Variants in PTCRA observed in about 807,000 individuals in gnomAD.
PTCRA encodes pre T-cell antigen receptor alpha.
In PTCRA, 9 loss-of-function variants were observed where a neutral mutation model predicts 13.4. The ratio of observed to expected loss-of-function variants is 0.67; its 90% CI spans 0.41 to 1.18. PTCRA has a LOEUF of 1.18. Among genes scored for constraint, PTCRA ranks in the 50% most tolerant of loss-of-function variants. PTCRA has a pLI of 0.01. For synonymous variants in PTCRA, 153 were observed against 161.9 expected, an observed-to-expected ratio of 0.94 and a Z score of 0.42; for missense variants, 353 against 359.8, an observed-to-expected ratio of 0.98 and a Z score of 0.15.
intron 1 of PTCRA, 83 bp downstream of exon 1, chr6:42,916,210 G>A: frequency 7.4e-7 from 1 of 1,342,898 alleles, no homozygotes. Context: ...CCTGGGTACT[G>A]ATGGGCTGCA....
intron 1 of PTCRA, among the ~76,000 whole-genome samples, chr6:42,922,732 T>C (rs1311798878): frequency 4.3e-5 from 6 of 139,154 alleles, no homozygotes; most frequent in South Asian, 4.5e-4. Context: ...AGAGCAAAAT[T>C]CCATCTCAAA....
At chr6:42,924,463 G>A in intron 3 of PTCRA, 190 bp downstream of exon 3, 1 of 645,714 alleles carries the variant, frequency 1.5e-6, no homozygotes, top group East Asian at 3.0e-5. Flanking sequence ...TAAGATGGGG[G>A]TGAATCCTTT....
chr6:42,922,905 G>C (rs1767254551), intron 1 of PTCRA, 122 bp from the exon 2 acceptor site: 1 of 904,940 alleles, frequency 1.1e-6, no homozygotes, highest in Admixed American at 2.2e-5. Flanking sequence ...AGGACATGTA[G>C]ATGGATGGTG....
chr6:42,921,453 C>G lies in PTCRA; in HGVS notation c.59-1574C>G, dbSNP rs1414515677. 2.5e-5 allele frequency among the ~76,000 whole-genome samples: 3 copies of G among 117,850 alleles called. 1 individual carries two copies. The Admixed American group carries it at 3.0e-4, about 12-fold the overall frequency. 77.3% of individuals were successfully genotyped at this position (117,850 alleles called of 152,430 possible). ...TTTTTTTTTGAGAGAGAGTCTTGCT[C>G]TGTCGCCAGGCTGGAGTGCAGTGGC... On this transcript the variant is annotated intron_variant, in intron 1 of 3. Transcript: ENST00000304672.
chr6:42,921,056 C>A (rs1302642688), intron 1 of PTCRA, among the ~76,000 whole-genome samples: 1 of 150,512 alleles, frequency 6.6e-6, no homozygotes, highest in African/African-American at 2.5e-5. Context: ...CTTGGCCCCC[C>A]AAAGTGCTGG....
At position 42,923,009 on chromosome 6, in the gene PTCRA, G is replaced by T; in HGVS notation, c.59-18G>T. ...CCAAAAGCTGGTCTAGCACCCACAG[G>T]TACATGCTCTCTTGCAGGTGTGGGC... On this transcript the variant is annotated intron_variant, in intron 1 of 3. Coordinates refer to ENST00000304672, the MANE Select transcript of PTCRA (RefSeq NM_138296.3). The T allele has an allele frequency of 6.2e-7, 1 of 1,613,236 alleles. No homozygotes were observed. Among genetic ancestry groups the T allele is most frequent in the Non-Finnish European group, 8.5e-7 (1 of 1,179,324 alleles).
chr6:42,925,255 T>C lies in PTCRA; in HGVS notation c.425-6T>C. The C allele has an allele frequency of 6.3e-7, 1 of 1,584,734 alleles. No homozygotes were observed. Among genetic ancestry groups the C allele is most frequent in the South Asian group, 1.1e-5 (1 of 88,562 alleles). On this transcript the variant is annotated splice_region_variant and splice_polypyrimidine_tract_variant and intron_variant, in intron 3 of 3. Transcript: ENST00000304672. This position sits in a 1 kb window ranked among gnomAD's most constrained non-coding sequence, Gnocchi z 4.4. ...CTGCGGGCTCCTGAGCGGTTCCTCC[T>C]CGCAGGGACACCGGGTGGGGCGCTG... is the stretch of plus-strand genomic sequence containing the variant.
At chr6:42,918,608 T>C (rs928447894) in intron 1 of PTCRA, among the ~76,000 whole-genome samples, 3 of 151,682 alleles carry the variant, frequency 2.0e-5, no homozygotes, top group Admixed American at 6.6e-5. Context: ...GAAAATTAAG[T>C]GAATGAGTCA....
Position 42,925,219 on chromosome 6 carries a change from G to A in PTCRA, c.425-42G>A, listed in dbSNP as rs542024351. The A allele has an allele frequency of 1.9e-6, 3 of 1,549,564 alleles. No homozygotes were observed. The highest frequency in any genetic ancestry group is 2.6e-6 in the Non-Finnish European group (3 of 1,154,184). On this transcript the variant is annotated intron_variant, in intron 3 of 3. Transcript: ENST00000304672. This position sits in a 1 kb window ranked among gnomAD's most constrained non-coding sequence, Gnocchi z 4.4. ...CCGCCGTTCTCTCCTGGGGTAGGGG[G>A]CTGCGGGCTCCTGCGGGCTCCTGAG...
chr6:42,918,931 A>C (rs1054797262), intron 1 of PTCRA, among the ~76,000 whole-genome samples: 1 of 151,860 alleles, frequency 6.6e-6, no homozygotes, highest in African/African-American at 2.4e-5. Context: ...CTGGGACTAC[A>C]GGTGCCTGCC....
chr6:42,918,662 C>A lies in PTCRA; in HGVS notation c.58+2535C>A, dbSNP rs1449065536. On this transcript the variant is annotated intron_variant, in intron 1 of 3. Transcript: ENST00000304672. ...GTCTGAAGCTATGTCCTAGACGGTC[C>A]ACTGTGTCACATGGCAAAATCTTAG... Among the ~76,000 whole-genome samples the A allele has an allele frequency of 2.6e-5, 4 of 152,068 alleles. No homozygotes were observed. The East Asian group carries it at 7.7e-4, about 29-fold the overall frequency.
chr6:42,920,705 T>G lies in PTCRA; in HGVS notation c.59-2322T>G, dbSNP rs745919408. Among the ~76,000 whole-genome samples the G allele has an allele frequency of 7.9e-5, 12 of 151,498 alleles. No homozygotes were observed. The East Asian group carries it at 7.9e-4, about 10-fold the overall frequency. On this transcript the variant is annotated intron_variant, in intron 1 of 3. Coordinates refer to ENST00000304672, the MANE Select transcript of PTCRA (RefSeq NM_138296.3). ...CTCCCAAAGTGCTGGGATTACAGGC[T>G]TGAGCCACAGCGCCCAGCCATGACT...
At chr6:42,924,613 A>T (rs899590518) in intron 3 of PTCRA, among the ~76,000 whole-genome samples, 4 of 152,130 alleles carry the variant, frequency 2.6e-5, no homozygotes, top group South Asian at 2.1e-4. Flanking sequence ...GTCTGGGGTG[A>T]TGGAAAGAGC....
rs775521076 is a variant in PTCRA, at chr6:42,924,210, G to A, written c.380-19G>A. ...ATGGCCCATCCCCAAAGACTCATTC[G>A]CTTCTCCCTGGACAACAGGAGAGGC... is the stretch of plus-strand genomic sequence containing the variant. On this transcript the variant is annotated intron_variant, in intron 2 of 3. Transcript: ENST00000304672. The A allele has an allele frequency of 1.4e-5, 22 of 1,600,194 alleles. No homozygotes were observed. Among genetic ancestry groups the A allele is most frequent in the African/African-American group, 4.1e-5 (3 of 73,918 alleles).
chr6:42,918,100 T>C (rs770119530), intron 1 of PTCRA, among the ~76,000 whole-genome samples: 1 of 148,726 alleles, frequency 6.7e-6, no homozygotes, highest in Non-Finnish European at 1.5e-5. Context: ...TACTAAAAAA[T>C]ACAAAAATTA....
chr6:42,922,085 A>G (rs981951359), intron 1 of PTCRA: 7 of 587,444 alleles, frequency 1.2e-5, no homozygotes, highest in Non-Finnish European at 9.1e-6. Context: ...GCTGAGAATA[A>G]AAGAAAAAAT....
At chr6:42,924,103 A>C (rs1380951874) in intron 2 of PTCRA, 126 bp from the exon 3 acceptor site, 1 of 750,732 alleles carries the variant, frequency 1.3e-6, no homozygotes. Context: ...CTGCTGGCTC[A>C]CTTGTCCATT....
Position 42,925,441 on chromosome 6 carries a change from C to A in PTCRA, c.605C>A (p.Thr202Asn). ...CATCGACTGCACCCGGCCACGGAGA[C>A]TGGGGGACGAGAGGCCACCAGCTCA... is the stretch of plus-strand genomic sequence containing the variant. ...GSHRLHPATE[T>N]GGREATSSPR... The change falls in exon 4 of 4, where the codon ACT (threonine) becomes AAT (asparagine). Residue 202 changes from threonine to asparagine, a missense_variant. Physicochemically the swap from Thr to Asn is moderately conservative, Grantham distance 65. Coordinates refer to ENST00000304672, the MANE Select transcript of PTCRA (RefSeq NM_138296.3). The surrounding 1 kb of genome is among the most constrained non-coding windows in gnomAD (Gnocchi z 4.4). 1 of 1,555,530 alleles carries A rather than the reference C, an allele frequency of 6.4e-7. No homozygotes were observed. Among genetic ancestry groups the A allele is most frequent in the Non-Finnish European group, 8.7e-7 (1 of 1,149,040 alleles).
At chr6:42,923,636 T>C (rs951087689) in intron 2 of PTCRA, among the ~76,000 whole-genome samples, 4 of 152,226 alleles carry the variant, frequency 2.6e-5, no homozygotes, top group African/African-American at 9.6e-5. Context: ...ATAATCACCC[T>C]GTGTACATGA....
Sources: allele counts gnomAD v4.1 joint callset (sites outside exome capture counted in the v4.1 genomes callset), GRCh38; gene constraint gnomAD v4.1.1; non-coding constraint Gnocchi (gnomAD v3.1); transcripts MANE v1.5; gene names NCBI Gene and HGNC (gene_info 2026-07-23, HGNC 2026-07-21).